Variants in VTI1A observed in about 807,000 individuals in gnomAD.
VTI1A encodes vesicle transport through interaction with t-SNAREs 1A, also known as vesicle transport through interaction with t-SNAREs homolog 1A.
Under a neutral mutation model 34.9 loss-of-function variants are expected in VTI1A, and 22 were observed. That is an observed-to-expected ratio of 0.63 (90% CI 0.45 to 0.90). The LOEUF (loss-of-function observed/expected upper bound fraction) is 0.90, where lower values mean the gene tolerates loss of function less well. Among genes scored for constraint, VTI1A ranks in the 40% least tolerant of loss-of-function variants. The pLI, the probability that VTI1A is intolerant of heterozygous loss-of-function variation, is 0.00. For synonymous variants in VTI1A, 87 were observed against 97.3 expected (o/e 0.89, Z 0.62); for missense variants, 268 against 275.6 (o/e 0.97, Z 0.20).
At chr10:112,630,818 A>C (rs572568513) in intron 5 of VTI1A, among the ~76,000 whole-genome samples, 23 of 152,276 alleles carry the variant, frequency 1.5e-4, no homozygotes, top group African/African-American at 4.6e-4. Context: ...AAAAGGTAAT[A>C]TATGTAACAA....
rs925248782 is a variant in VTI1A at position 112,666,297 on chromosome 10, T to G, written c.428-1921T>G. Reference sequence around the variant, plus strand: ...ATACTGGGAAAGAATGTTAAGAATTTGTATGCTGTCAAAAATATATTTATG... The same window carrying G: ...ATACTGGGAAAGAATGTTAAGAATTGGTATGCTGTCAAAAATATATTTATG... On this transcript the variant is annotated intron_variant, in intron 5 of 7. Coordinates refer to ENST00000393077, the MANE Select transcript of VTI1A (RefSeq NM_145206.4). Among the ~76,000 whole-genome samples, 5 of 152,326 alleles carry G rather than the reference T, an allele frequency of 3.3e-5. No individual in the cohort carries two copies. The East Asian group carries it at 9.6e-4, about 29-fold the overall frequency.
At chr10:112,508,439 G>C (rs1221917126) in intron 3 of VTI1A, among the ~76,000 whole-genome samples, 1 of 152,134 alleles carries the variant, frequency 6.6e-6, no homozygotes, top group Non-Finnish European at 1.5e-5. Flanking sequence ...GCCAGAAATA[G>C]AGAATTCAGG....
chr10:112,776,246 G>A (rs1380468168), intron 7 of VTI1A, among the ~76,000 whole-genome samples: 1 of 152,210 alleles, frequency 6.6e-6, no homozygotes, highest in African/African-American at 2.4e-5. Context: ...TGTTAGTGCT[G>A]AGGACTATTT....
intron 5 of VTI1A, among the ~76,000 whole-genome samples, chr10:112,553,750 G>C (rs973922706): frequency 6.6e-6 from 1 of 152,206 alleles, no homozygotes; most frequent in African/African-American, 2.4e-5. Flanking sequence ...GTGTTCCACT[G>C]TCAAGAACAG....
intron 5 of VTI1A, among the ~76,000 whole-genome samples, chr10:112,597,919 G>T (rs1312429851): frequency 6.7e-6 from 1 of 150,368 alleles, no homozygotes. Context: ...GGATGGTCTC[G>T]ATCTCCTGAC....
intron 5 of VTI1A, among the ~76,000 whole-genome samples, chr10:112,586,434 G>A (rs1330465880): frequency 2.0e-5 from 3 of 152,136 alleles, no homozygotes; most frequent in Non-Finnish European, 4.4e-5. Context: ...AGGAATAAGT[G>A]AACATTACAG....
intron 5 of VTI1A, among the ~76,000 whole-genome samples, chr10:112,568,197 C>T (rs1851979499): frequency 6.6e-6 from 1 of 152,094 alleles, no homozygotes; most frequent in Non-Finnish European, 1.5e-5. Context: ...CACCAAATTA[C>T]AAGTCCTAGG....
intron 7 of VTI1A, among the ~76,000 whole-genome samples, chr10:112,762,652 G>C (rs1020838590): frequency 2.0e-5 from 3 of 152,214 alleles, no homozygotes; most frequent in African/African-American, 7.2e-5. Context: ...AATTATGCAA[G>C]GGATATGCAG....
chr10:112,748,192 C>A (rs960829884), intron 7 of VTI1A, among the ~76,000 whole-genome samples: 2 of 152,104 alleles, frequency 1.3e-5, no homozygotes, highest in Non-Finnish European at 2.9e-5. Flanking sequence ...ACATCACCCA[C>A]CCAGACAGGT....
chr10:112,533,522 T>C, intron 4 of VTI1A: 2 of 1,012,428 alleles, frequency 2.0e-6, no homozygotes, highest in South Asian at 9.3e-5. Flanking sequence ...TGTGCATTCA[T>C]GTTGCAGTTG....
chr10:112,569,989 C>T (rs1403360530), intron 5 of VTI1A, among the ~76,000 whole-genome samples: 3 of 152,190 alleles, frequency 2.0e-5, no homozygotes, highest in African/African-American at 7.2e-5. Context: ...AGTGTGCATT[C>T]AGTACCACCA....
At chr10:112,661,767 T>C (rs1451038641) in intron 5 of VTI1A, among the ~76,000 whole-genome samples, 2 of 129,264 alleles carry the variant, frequency 1.5e-5, no homozygotes, top group African/African-American at 8.2e-5. Flanking sequence ...CTGTTAAGTT[T>C]TTTTTTTTTT....
chr10:112,500,560 G>A (rs1324469633), intron 3 of VTI1A, among the ~76,000 whole-genome samples: 1 of 152,154 alleles, frequency 6.6e-6, no homozygotes, highest in African/African-American at 2.4e-5. Context: ...TGGAAAATTT[G>A]GAAATAGCTA....
intron 4 of VTI1A, among the ~76,000 whole-genome samples, chr10:112,531,482 G>GAAAAAAAAAAAAAA (rs11284977): frequency 7.1e-6 from 1 of 140,104 alleles, no homozygotes; most frequent in Non-Finnish European, 1.5e-5. Flanking sequence ...CCTAAGCAAA[G>GAAAAAAAAAAAAAA]AAAAAAAAAA....
At chr10:112,635,732 CA>C (rs961864093) in intron 5 of VTI1A, among the ~76,000 whole-genome samples, 3 of 152,086 alleles carry the variant, frequency 2.0e-5, no homozygotes, top group Admixed American at 2.0e-4. Context: ...ATGACTGGTT[CA>C]AAATGGGAAG....
chr10:112,771,212 G>A lies in VTI1A; in HGVS notation c.561-44078G>A, dbSNP rs761313267. 6.4e-4 allele frequency among the ~76,000 whole-genome samples: 98 copies of A among 152,356 alleles called. 1 individual carries two copies. Among genetic ancestry groups the A allele is most frequent in the Non-Finnish European group, 1.9e-4 (13 of 68,036 alleles). The stretch of plus-strand genomic sequence containing the variant: ...AGAATTTTCCTCATCTTTAAGTGGA[G>A]AGATAAAAGTCGTATCTACCTCAGA... On this transcript the variant is annotated intron_variant, in intron 7 of 7. Transcript: ENST00000393077.
chr10:112,501,954 A>T (rs189440564), intron 3 of VTI1A, among the ~76,000 whole-genome samples: 1 of 152,004 alleles, frequency 6.6e-6, no homozygotes, highest in Non-Finnish European at 1.5e-5. Context: ...ACCAATAAAC[A>T]TAAAGTGGTT....
chr10:112,702,196 T>G (rs1849032832), intron 7 of VTI1A, among the ~76,000 whole-genome samples: 1 of 152,174 alleles, frequency 6.6e-6, no homozygotes, highest in Non-Finnish European at 1.5e-5. Flanking sequence ...TGGGGCAAGT[T>G]CCTTATTTAT....
chr10:112,589,350 C>A (rs1227332500), intron 5 of VTI1A, among the ~76,000 whole-genome samples: 3 of 152,034 alleles, frequency 2.0e-5, no homozygotes, highest in African/African-American at 2.4e-5. Flanking sequence ...AAGGGAAACC[C>A]GTTTCACTTG....
Sources: gnomAD v4.1 joint callset for allele counts (sites outside exome capture counted in the v4.1 genomes callset) on GRCh38, gnomAD v4.1.1 for gene constraint, MANE v1.5 for transcripts, NCBI Gene and HGNC (gene_info 2026-07-23, HGNC 2026-07-21) for gene names.